SLC9A2: variants seen among roughly 807,000 people sequenced by gnomAD.
The protein encoded by SLC9A2 is sodium/hydrogen exchanger 2.
A neutral mutation model predicts 71.7 loss-of-function variants in SLC9A2; 42 were observed. The observed-to-expected ratio is 0.59, with a 90% CI of 0.46 to 0.76. The LOEUF (loss-of-function observed/expected upper bound fraction) is 0.76. Among genes scored for constraint, SLC9A2 ranks in the 30% least tolerant of loss-of-function variants. The pLI, the probability that SLC9A2 is intolerant of heterozygous loss-of-function variation, is 0.00. For missense variants in SLC9A2, 829 were observed against 1,017.4 expected, an observed-to-expected ratio of 0.81 and a Z score of 2.52; for synonymous variants, 396 against 392.5, an observed-to-expected ratio of 1.01 and a Z score of -0.10.
At chr2:102,693,498 A>G (rs1677701349) in intron 5 of SLC9A2, among the ~76,000 whole-genome samples, 1 of 152,232 alleles carries the variant, frequency 6.6e-6, no homozygotes, top group Non-Finnish European at 1.5e-5. Context: ...TGTCACATTA[A>G]GGAATTTTTC....
chr2:102,659,806 A>T (rs1677017745), intron 2 of SLC9A2, among the ~76,000 whole-genome samples: 1 of 152,242 alleles, frequency 6.6e-6, no homozygotes, highest in South Asian at 2.1e-4. Context: ...GAAGTTTTCC[A>T]TTCTGACTTA....
At chr2:102,700,567 C>CT (rs1677853641) in intron 7 of SLC9A2, among the ~76,000 whole-genome samples, 1 of 152,146 alleles carries the variant, frequency 6.6e-6, no homozygotes, top group Non-Finnish European at 1.5e-5. Flanking sequence ...ATGAGGTTCA[C>CT]AGACCACTTT....
intron 1 of SLC9A2, among the ~76,000 whole-genome samples, chr2:102,643,143 G>T (rs1192514870): frequency 3.3e-5 from 5 of 152,176 alleles, no homozygotes; most frequent in Non-Finnish European, 5.9e-5. Flanking sequence ...TCAAAAGTGG[G>T]TTGCCTTGTG....
intron 1 of SLC9A2, among the ~76,000 whole-genome samples, chr2:102,633,462 T>G (rs564574490): frequency 6.6e-6 from 1 of 152,282 alleles, no homozygotes; most frequent in East Asian, 1.9e-4. Flanking sequence ...CCCGTAGGCC[T>G]CATTATGACA....
chr2:102,627,968 G>A (rs1027329352), intron 1 of SLC9A2, among the ~76,000 whole-genome samples: 2 of 152,050 alleles, frequency 1.3e-5, no homozygotes, highest in African/African-American at 4.8e-5. Context: ...AGTGACATCA[G>A]TCTTATTAAA....
At chr2:102,677,160 A>C (rs1178798730) in intron 3 of SLC9A2, among the ~76,000 whole-genome samples, 1 of 152,242 alleles carries the variant, frequency 6.6e-6, no homozygotes. Context: ...AAATATCTAT[A>C]GAAAGCAGGT....
chr2:102,650,707 A>G (rs1485419407), intron 1 of SLC9A2, among the ~76,000 whole-genome samples: 9 of 152,122 alleles, frequency 5.9e-5, no homozygotes, highest in Non-Finnish European at 1.3e-4. Context: ...TATGACATTC[A>G]TGTACCTCCG....
At chr2:102,640,768 G>A (rs1218603159) in intron 1 of SLC9A2, among the ~76,000 whole-genome samples, 1 of 152,142 alleles carries the variant, frequency 6.6e-6, no homozygotes, top group East Asian at 1.9e-4. Flanking sequence ...CAGAATTTGG[G>A]TGATGGAGTT....
At chr2:102,684,967 G>T (rs1677520933) in intron 5 of SLC9A2, among the ~76,000 whole-genome samples, 1 of 152,198 alleles carries the variant, frequency 6.6e-6, no homozygotes, top group African/African-American at 2.4e-5. Flanking sequence ...TTTCAGAGGG[G>T]TTGGTAGCAC....
At chr2:102,638,800 C>T (rs1401480162) in intron 1 of SLC9A2, among the ~76,000 whole-genome samples, 1 of 152,170 alleles carries the variant, frequency 6.6e-6, no homozygotes, top group East Asian at 1.9e-4. Context: ...TTTCAGAAAA[C>T]ATATCTGTGA....
intron 2 of SLC9A2, among the ~76,000 whole-genome samples, chr2:102,663,894 C>T (rs1677089431): frequency 6.6e-6 from 1 of 152,112 alleles, no homozygotes; most frequent in Admixed American, 6.6e-5. Context: ...CGCTGAGTGG[C>T]CCCAGACACA....
intron 3 of SLC9A2, among the ~76,000 whole-genome samples, chr2:102,679,025 G>A (rs182106270): frequency 6.6e-5 from 10 of 152,302 alleles, no homozygotes; most frequent in Admixed American, 5.2e-4. Flanking sequence ...AACAGCCCCG[G>A]ACCTTTGCTT....
intron 1 of SLC9A2, among the ~76,000 whole-genome samples, chr2:102,655,168 G>C (rs1676912993): frequency 1.3e-5 from 2 of 150,958 alleles, no homozygotes; most frequent in African/African-American, 4.9e-5. Context: ...ACATTGTACA[G>C]TACAGCAACA....
chr2:102,694,556 T>A, intron 6 of SLC9A2, 53 bp downstream of exon 6: 1 of 877,770 alleles, frequency 1.1e-6, no homozygotes, highest in East Asian at 2.7e-5. Flanking sequence ...AATATTTGAA[T>A]CAGTCAAACA....
At chr2:102,684,936 G>C (rs1015605759) in intron 5 of SLC9A2, among the ~76,000 whole-genome samples, 1 of 152,176 alleles carries the variant, frequency 6.6e-6, no homozygotes, top group African/African-American at 2.4e-5. Flanking sequence ...AAAGATCCCT[G>C]TCCCTGCTGC....
At chr2:102,639,902 A>G (rs1676541160) in intron 1 of SLC9A2, among the ~76,000 whole-genome samples, 1 of 152,246 alleles carries the variant, frequency 6.6e-6, no homozygotes, top group Non-Finnish European at 1.5e-5. Context: ...AATGACCGGT[A>G]GTAATAAAAG....
At chr2:102,683,125 A>G (rs777993317) in intron 3 of SLC9A2, 136 bp from the exon 4 acceptor site, 6 of 675,058 alleles carry the variant, frequency 8.9e-6, no homozygotes, top group Non-Finnish European at 1.6e-5. Context: ...AATCACATTC[A>G]CCTATAAAAA....
chr2:102,656,780 T>C (rs144255625), intron 1 of SLC9A2, among the ~76,000 whole-genome samples: 1,534 of 152,304 alleles, frequency 0.01, 24 homozygotes, highest in African/African-American at 0.035. Context: ...CTGGATCTCT[T>C]TCAGCTTCAA....
In SLC9A2 at chr2:102,708,581, ACT is replaced by A; in HGVS notation, c.*97_*98del. On this transcript the variant is annotated 3_prime_UTR_variant, in exon 12 of 12. Coordinates refer to ENST00000233969, the MANE Select transcript of SLC9A2 (RefSeq NM_003048.6). ...GATGCAACAGTGGAATCCATGTAAA[ACT>A]CTCTGTGCATCTAAATACTTCTGGA... is the stretch of plus-strand genomic sequence containing the variant. 1 of 1,423,934 alleles carries A rather than the reference ACT, an allele frequency of 7.0e-7. No individual in the cohort carries two copies. Among genetic ancestry groups the A allele is most frequent in the Non-Finnish European group, 9.5e-7 (1 of 1,049,606 alleles). 88.2% of individuals were successfully genotyped at this position (1,423,934 alleles called of 1,614,324 possible).
Sources: allele counts gnomAD v4.1 joint callset (sites outside exome capture counted in the v4.1 genomes callset), GRCh38; gene constraint gnomAD v4.1.1; transcripts MANE v1.5; gene names NCBI Gene and HGNC (gene_info 2026-07-23, HGNC 2026-07-21).